Variants in SLC16A1 observed in about 807,000 individuals in gnomAD.
The protein encoded by SLC16A1 is solute carrier family 16 member 1, also known as monocarboxylate transporter 1.
In SLC16A1, 11 loss-of-function variants were observed where a neutral mutation model predicts 32.2. The ratio of observed to expected loss-of-function variants is 0.34; its 90% CI spans 0.21 to 0.56. The LOEUF (loss-of-function observed/expected upper bound fraction) is 0.56, where lower values mean the gene tolerates loss of function less well. Ranked by LOEUF, SLC16A1 falls within the 20% of genes least tolerant of loss-of-function variation. SLC16A1 has a pLI of 0.87. For synonymous variants in SLC16A1, 231 were observed against 226.8 expected, an observed-to-expected ratio of 1.02 and a Z score of -0.17; for missense variants, 435 against 615.0, an observed-to-expected ratio of 0.71 and a Z score of 3.10.
At chr1:112,953,711 T>C (rs1345111248) in intron 1 of SLC16A1, among the ~76,000 whole-genome samples, 1 of 152,224 alleles carries the variant, frequency 6.6e-6, no homozygotes, top group Non-Finnish European at 1.5e-5. Flanking sequence ...CTCTTGAGTG[T>C]AGCTTCAGTG....
Position 112,922,082 on chromosome 1 carries a change from A to C in SLC16A1, c.269T>G (p.Ile90Ser). The C allele has an allele frequency of 6.2e-7, 1 of 1,614,174 alleles. No homozygotes were observed. The highest frequency in any genetic ancestry group is 8.5e-7 in the Non-Finnish European group (1 of 1,180,030). ...ACAGCCTGACAAGCAGCCACCAACAATCATGACTATACGACTTCCATATTT... is the reference window on the plus strand; with the variant it reads ...ACAGCCTGACAAGCAGCCACCAACACTCATGACTATACGACTTCCATATTT... The part of the protein sequence containing the change: ...VNKYGSRIVM[I>S]VGGCLSGCGL... The change falls in exon 3 of 5, where the codon ATT becomes AGT. Residue 90 changes from isoleucine (I) to serine (S), a missense_variant. Coordinates refer to ENST00000369626, the MANE Select transcript of SLC16A1 (RefSeq NM_003051.4).
At chr1:112,924,200 A>C in intron 2 of SLC16A1, 1 of 1,515,092 alleles carries the variant, frequency 6.6e-7, no homozygotes, top group Non-Finnish European at 9.2e-7. Flanking sequence ...ACGGGGACGC[A>C]GTCATCCTGG....
chr1:112,950,668 C>CCTT (rs985760823), intron 1 of SLC16A1, among the ~76,000 whole-genome samples: 4 of 152,110 alleles, frequency 2.6e-5, no homozygotes, highest in African/African-American at 9.7e-5. Flanking sequence ...GGATGTGAAC[C>CCTT]CTTCTTATCA....
intron 4 of SLC16A1, among the ~76,000 whole-genome samples, chr1:112,914,443 A>G (rs1265100615): frequency 6.6e-6 from 1 of 152,228 alleles, no homozygotes; most frequent in East Asian, 1.9e-4. Context: ...GTGATCACCT[A>G]GAGTCAATTC....
intron 3 of SLC16A1, among the ~76,000 whole-genome samples, chr1:112,920,364 T>C (rs185243144): frequency 8.4e-4 from 127 of 151,984 alleles, no homozygotes; most frequent in Non-Finnish European, 1.4e-3. Context: ...TCCCAGCACT[T>C]TGGGAGGCAG....
At chr1:112,933,726 AAGAC>A (rs1348998901) in intron 1 of SLC16A1, among the ~76,000 whole-genome samples, 1 of 152,220 alleles carries the variant, frequency 6.6e-6, no homozygotes, top group Admixed American at 6.5e-5. Flanking sequence ...TACTAAAAAT[AAGAC>A]AGATAATTCC....
At chr1:112,949,830 GC>G (rs796596168) in intron 1 of SLC16A1, among the ~76,000 whole-genome samples, 19 of 152,160 alleles carry the variant, frequency 1.2e-4, no homozygotes, top group African/African-American at 4.1e-4. Context: ...TGAGCCACGT[GC>G]CCAGACAGAA....
At chr1:112,935,082 TAGA>T (rs34910611) in intron 1 of SLC16A1, among the ~76,000 whole-genome samples, 4,900 of 152,226 alleles carry the variant, frequency 0.032, 259 homozygotes, top group African/African-American at 0.11. Flanking sequence ...AAAAGATCCA[TAGA>T]AGAAGATTAA....
chr1:112,927,446 C>T (rs1287269446), intron 2 of SLC16A1, among the ~76,000 whole-genome samples: 1 of 152,110 alleles, frequency 6.6e-6, no homozygotes, highest in African/African-American at 2.4e-5. Context: ...TATTAGTGTT[C>T]AGATTGTGGT....
At position 112,917,249 on chromosome 1, in the gene SLC16A1, C is replaced by A; in HGVS notation, c.1157G>T (p.Arg386Met). ...ETLMDLVGPQ[R>M]FSSAVGLVTI... The stretch of plus-strand genomic sequence containing the variant: ...CACCAATCCCACAGCGCTGGAGAAC[C>A]TCTGGGGTCCAACAAGGTCCATCAA... The change falls in exon 4 of 5, where the codon AGG becomes ATG. Residue 386 changes from arginine to methionine, a missense_variant. Arg to Met is a moderately conservative substitution (Grantham distance 91). Transcript: ENST00000369626. This position sits in a 1 kb window ranked among gnomAD's most constrained non-coding sequence, Gnocchi z 4.1. 1 of 1,614,176 alleles carries A rather than the reference C, an allele frequency of 6.2e-7. No homozygotes were observed. The highest frequency in any genetic ancestry group is 8.5e-7 in the Non-Finnish European group (1 of 1,180,040).
intron 3 of SLC16A1, among the ~76,000 whole-genome samples, chr1:112,920,037 C>T (rs1648666838): frequency 6.6e-6 from 1 of 152,180 alleles, no homozygotes; most frequent in Non-Finnish European, 1.5e-5. Context: ...TGGTTCCTAA[C>T]ACACATACAG....
At position 112,913,802 on chromosome 1, in the gene SLC16A1, T is replaced by G; in HGVS notation, c.*89A>C. The G allele has an allele frequency of 6.1e-6, 9 of 1,473,076 alleles. No homozygotes were observed. Among genetic ancestry groups the G allele is most frequent in the Non-Finnish European group, 8.5e-6 (9 of 1,055,038 alleles). The allele number at this position is 1,473,076 out of a possible 1,614,324, so 91.3% of individuals were successfully genotyped here. On this transcript the variant is annotated 3_prime_UTR_variant, in exon 5 of 5. Coordinates refer to ENST00000369626, the MANE Select transcript of SLC16A1 (RefSeq NM_003051.4). ...CCACACAAATGTCTACTATTTGCAT[T>G]GAGCACCACTGGTAGATTACAGGCC...
chr1:112,933,897 A>C (rs1423266185), intron 1 of SLC16A1, among the ~76,000 whole-genome samples: 1 of 152,198 alleles, frequency 6.6e-6, no homozygotes, highest in Non-Finnish European at 1.5e-5. Context: ...TTATATAAAA[A>C]ATTCTCTAGC....
intron 3 of SLC16A1, among the ~76,000 whole-genome samples, chr1:112,920,634 C>T (rs970898028): frequency 6.6e-6 from 1 of 151,806 alleles, no homozygotes; most frequent in African/African-American, 2.4e-5. Context: ...AAAAGAACAA[C>T]AACAAAACCA....
At chr1:112,922,666 T>C (rs1273800522) in intron 2 of SLC16A1, among the ~76,000 whole-genome samples, 1 of 151,988 alleles carries the variant, frequency 6.6e-6, no homozygotes, top group Non-Finnish European at 1.5e-5. Context: ...TCCCAGCTAC[T>C]CCGAAGGCTG....
intron 1 of SLC16A1, among the ~76,000 whole-genome samples, chr1:112,930,044 A>G (rs1382720898): frequency 6.6e-6 from 1 of 152,212 alleles, no homozygotes; most frequent in Non-Finnish European, 1.5e-5. Context: ...CCTTTATAAT[A>G]AACCAGCAAA....
At chr1:112,937,782 T>C (rs1008153597) in intron 1 of SLC16A1, among the ~76,000 whole-genome samples, 9 of 152,132 alleles carry the variant, frequency 5.9e-5, no homozygotes, top group African/African-American at 1.9e-4. Flanking sequence ...TCCTATCAGC[T>C]TAGCTATTAC....
intron 1 of SLC16A1, among the ~76,000 whole-genome samples, chr1:112,951,833 ATTAAAACATAAACT>A (rs1649906741): frequency 6.6e-6 from 1 of 152,222 alleles, no homozygotes; most frequent in South Asian, 2.1e-4. Flanking sequence ...AGCATATTGT[ATTAAAACATAAACT>A]TTAACTTGTC....
At chr1:112,953,354 G>C (rs1007604015) in intron 1 of SLC16A1, among the ~76,000 whole-genome samples, 3 of 151,868 alleles carry the variant, frequency 2.0e-5, no homozygotes, top group Non-Finnish European at 4.4e-5. Context: ...ATAGAGACAG[G>C]GTTTCACCAT....
Sources: gnomAD v4.1 joint callset for allele counts (sites outside exome capture counted in the v4.1 genomes callset) on GRCh38, gnomAD v4.1.1 for gene constraint, Gnocchi (gnomAD v3.1) non-coding constraint, MANE v1.5 for transcripts, NCBI Gene and HGNC (gene_info 2026-07-23, HGNC 2026-07-21) for gene names.